PCNX1: variants seen among roughly 807,000 people sequenced by gnomAD.
The protein encoded by PCNX1 is pecanex 1, also known as pecanex-like protein 1.
PCNX1 carries 78 observed loss-of-function variants against 242.2 expected under a neutral mutation model. The ratio of observed to expected loss-of-function variants is 0.32; its 90% confidence interval spans 0.27 to 0.39. The LOEUF (loss-of-function observed/expected upper bound fraction) is 0.39, where lower values mean the gene tolerates loss of function less well. Ranked by LOEUF, PCNX1 falls within the 10% of genes least tolerant of loss-of-function variation. The probability of loss-of-function intolerance (pLI) is 1.00; values close to 1 mark genes in which losing one functional copy is unlikely to be tolerated. For missense variants in PCNX1, 2,581 were observed against 2,856.5 expected, an observed-to-expected ratio of 0.90 and a Z score of 2.20; for synonymous variants, 1,024 against 1,032.9, an observed-to-expected ratio of 0.99 and a Z score of 0.17.
intron 27 of PCNX1, among the ~76,000 whole-genome samples, chr14:71,075,771 A>C (rs901498983): frequency 1.3e-5 from 2 of 151,944 alleles, no homozygotes; most frequent in Non-Finnish European, 2.9e-5. Flanking sequence ...GGTGGCGGGC[A>C]CCTGTAGTCC....
chr14:71,093,922 A>G (rs1403255766), intron 30 of PCNX1: 1 of 152,214 alleles, frequency 6.6e-6, no homozygotes, highest in African/African-American at 2.4e-5. Flanking sequence ...AGAATACAGT[A>G]TATAATATGT....
chr14:70,933,874 TG>T (rs746758576), intron 1 of PCNX1, among the ~76,000 whole-genome samples: 1 of 152,246 alleles, frequency 6.6e-6, no homozygotes, highest in Non-Finnish European at 1.5e-5. Flanking sequence ...TAACATAGAC[TG>T]GAAAAGATGC....
At chr14:71,106,099 T>C (rs1330476045) in intron 33 of PCNX1, among the ~76,000 whole-genome samples, 1 of 151,946 alleles carries the variant, frequency 6.6e-6, no homozygotes, top group Non-Finnish European at 1.5e-5. Context: ...CTGCAAGCTC[T>C]GCCTCCTGGG....
At chr14:71,096,329 AAAT>A (rs999738903) in intron 30 of PCNX1, among the ~76,000 whole-genome samples, 16 of 152,008 alleles carry the variant, frequency 1.1e-4, no homozygotes, top group Non-Finnish European at 2.4e-4. Flanking sequence ...AAGAAAAAAA[AAAT>A]GAGCTGGGCA....
chr14:71,051,193 AAAAAATC>A (rs2061023937), intron 23 of PCNX1, among the ~76,000 whole-genome samples: 2 of 149,262 alleles, frequency 1.3e-5, no homozygotes, highest in African/African-American at 4.9e-5. Flanking sequence ...AAAAAAAAAA[AAAAAATC>A]ATAACCTTTT....
intron 5 of PCNX1, among the ~76,000 whole-genome samples, chr14:70,970,618 A>G (rs2058512667): frequency 6.6e-6 from 1 of 152,218 alleles, no homozygotes; most frequent in African/African-American, 2.4e-5. Flanking sequence ...ACTATACATT[A>G]ACATAGACAG....
In PCNX1 at chr14:70,995,903, T is replaced by C. The variant is rs1369613705; in HGVS notation, c.2607T>C (p.Gly869=). 1 of 1,613,838 alleles carries C rather than the reference T, an allele frequency of 6.2e-7. No homozygotes were observed. Among genetic ancestry groups the C allele is most frequent in the Non-Finnish European group, 8.5e-7 (1 of 1,179,842 alleles). The stretch of plus-strand genomic sequence containing the variant: ...ATGACAATGCATCTGCTGTAGGCGG[T>C]AGCAGTTTGCACGATGAACTTGGTA... ...ASHDNASAVG[G]SSLHDELGKF... is the part of the protein sequence containing the mutation. Residue 869 remains glycine, a synonymous_variant, in exon 8 of 36, where the codon GGT becomes GGC. Coordinates refer to ENST00000304743, the MANE Select transcript of PCNX1 (RefSeq NM_014982.3).
intron 1 of PCNX1, among the ~76,000 whole-genome samples, chr14:70,934,680 ATCT>A (rs1309570899): frequency 6.6e-6 from 1 of 152,210 alleles, no homozygotes; most frequent in South Asian, 2.1e-4. Flanking sequence ...ACTTTCCCAG[ATCT>A]TCTTGCTCAC....
intron 28 of PCNX1, among the ~76,000 whole-genome samples, chr14:71,081,398 G>A (rs753752852): frequency 6.6e-6 from 1 of 152,036 alleles, no homozygotes; most frequent in Non-Finnish European, 1.5e-5. Flanking sequence ...TGATTAGGGA[G>A]GAGTCCCTCT....
intron 30 of PCNX1, among the ~76,000 whole-genome samples, chr14:71,096,838 A>T (rs1050760785): frequency 1.3e-5 from 2 of 152,214 alleles, no homozygotes; most frequent in African/African-American, 4.8e-5. Context: ...TAGAAGGCAG[A>T]TGGAAAAAGG....
At chr14:70,972,228 A>G (rs2058562892) in intron 5 of PCNX1, among the ~76,000 whole-genome samples, 1 of 150,730 alleles carries the variant, frequency 6.6e-6, no homozygotes, top group Non-Finnish European at 1.5e-5. Flanking sequence ...TGAAAGGGGA[A>G]AGACTGAGGA....
Position 71,105,416 on chromosome 14 carries a change from G to A in PCNX1, c.6277G>A (p.Val2093Ile), listed in dbSNP as rs2062585564. 3.7e-6 allele frequency: 6 copies of A among 1,613,936 alleles called. No homozygotes were observed. The highest frequency in any genetic ancestry group is 1.1e-5 in the South Asian group (1 of 91,080). ...QGSGTGLHPP[V>I]TSYPPTLGTS... ...ATCAGGAACTGGACTCCACCCACCTGTCACATCTTATCCTCCAACACTAGG... is the reference window on the plus strand; with the variant it reads ...ATCAGGAACTGGACTCCACCCACCTATCACATCTTATCCTCCAACACTAGG... The change falls in exon 33 of 36, where the codon GTC (valine) becomes ATC (isoleucine). Residue 2093 changes from valine (V) to isoleucine (I), a missense_variant. This residue lies in a region of PCNX1 where 432 missense variants were observed against 433.6 expected (regional missense o/e 1.00). Coordinates refer to ENST00000304743, the MANE Select transcript of PCNX1 (RefSeq NM_014982.3).
intron 8 of PCNX1, among the ~76,000 whole-genome samples, chr14:71,004,747 T>C (rs1489083961): frequency 1.3e-5 from 2 of 152,216 alleles, no homozygotes; most frequent in African/African-American, 2.4e-5. Flanking sequence ...GAAATTAGAA[T>C]TGATCTTAAA....
rs375972432 is a variant in PCNX1 at position 70,941,534 on chromosome 14, G to A, written c.154-5381G>A. Among the ~76,000 whole-genome samples, 14 of 152,270 alleles carry A rather than the reference G, an allele frequency of 9.2e-5. No individual in the cohort carries two copies. In the East Asian group the frequency reaches 9.7e-4, roughly 11 times the overall value. ...CACCCGGCTGTATGAGGTGTCAGTC[G>A]ACCCGTACTGGGAGGTGTCTCCCAG... On this transcript the variant is annotated intron_variant, in intron 1 of 35. Transcript: ENST00000304743.
intron 26 of PCNX1, among the ~76,000 whole-genome samples, chr14:71,063,070 A>G (rs2061365004): frequency 6.6e-6 from 1 of 152,212 alleles, no homozygotes; most frequent in African/African-American, 2.4e-5. Context: ...TGATGTTTGC[A>G]CAACGAAATT....
intron 8 of PCNX1, among the ~76,000 whole-genome samples, chr14:71,004,934 ATC>A (rs1206273287): frequency 6.6e-6 from 1 of 152,134 alleles, no homozygotes; most frequent in Admixed American, 6.5e-5. Context: ...CTGCCCATAT[ATC>A]TCTCTTTGTT....
At chr14:71,057,208 A>G (rs2061206630) in intron 25 of PCNX1, among the ~76,000 whole-genome samples, 1 of 152,164 alleles carries the variant, frequency 6.6e-6, no homozygotes, top group South Asian at 2.1e-4. Flanking sequence ...AGCATATTTT[A>G]TTGAATAATT....
intron 11 of PCNX1, among the ~76,000 whole-genome samples, chr14:71,016,314 C>T (rs1270192714): frequency 1.3e-5 from 2 of 152,128 alleles, no homozygotes; most frequent in African/African-American, 4.8e-5. Context: ...GTGATTTCAG[C>T]ACTTCTCTTT....
chr14:70,954,173 C>T (rs2057901863), intron 2 of PCNX1, among the ~76,000 whole-genome samples: 1 of 152,052 alleles, frequency 6.6e-6, no homozygotes, highest in African/African-American at 2.4e-5. Context: ...ACTATCTTTT[C>T]CTTAGTAATT....
Sources: allele counts gnomAD v4.1 joint callset (sites outside exome capture counted in the v4.1 genomes callset), GRCh38; gene constraint gnomAD v4.1.1; regional missense constraint gnomAD v4.1.1; transcripts MANE v1.5; gene names NCBI Gene and HGNC (gene_info 2026-07-23, HGNC 2026-07-21).